The following NRXN3 variants were observed in gnomAD, a reference collection of about 807,000 sequenced individuals.
NRXN3 encodes the protein neurexin III.
A neutral mutation model predicts 137.6 loss-of-function variants in NRXN3; 32 were observed. The observed-to-expected ratio is 0.23, with a 90% confidence interval of 0.18 to 0.31. NRXN3 has a LOEUF of 0.31. Among genes scored for constraint, NRXN3 ranks in the 10% least tolerant of loss-of-function variants. The probability of loss-of-function intolerance (pLI) is 1.00; values close to 1 mark genes in which losing one functional copy is unlikely to be tolerated. For synonymous variants in NRXN3, 798 were observed against 784.5 expected, an observed-to-expected ratio of 1.02 and a Z score of -0.29; for missense variants, 1,574 against 2,062.5, an observed-to-expected ratio of 0.76 and a Z score of 4.59.
chr14:79,720,134 A>G (rs2098839173), intron 19 of NRXN3, among the ~76,000 whole-genome samples: 1 of 152,120 alleles, frequency 6.6e-6, no homozygotes, highest in Admixed American at 6.6e-5. Context: ...ATGGCTAGGG[A>G]GGCCTCACAA....
intron 4 of NRXN3, among the ~76,000 whole-genome samples, chr14:78,608,671 T>C (rs1034235622): frequency 6.6e-6 from 1 of 152,202 alleles, no homozygotes; most frequent in African/African-American, 2.4e-5. Context: ...AGATGGGTAA[T>C]CTACTCAATA....
chr14:78,574,720 C>T (rs2096920534), intron 4 of NRXN3, among the ~76,000 whole-genome samples: 2 of 152,110 alleles, frequency 1.3e-5, no homozygotes, highest in Non-Finnish European at 1.5e-5. Flanking sequence ...AAGGGATTTG[C>T]CTTGTGTCAG....
At chr14:78,663,804 C>T (rs1431071326) in intron 6 of NRXN3, among the ~76,000 whole-genome samples, 1 of 152,048 alleles carries the variant, frequency 6.6e-6, no homozygotes, top group African/African-American at 2.4e-5. Flanking sequence ...CACAACATTC[C>T]TACTGAGACA....
At chr14:78,435,556 T>A (rs919818724) in intron 4 of NRXN3, among the ~76,000 whole-genome samples, 1 of 152,198 alleles carries the variant, frequency 6.6e-6, no homozygotes. Flanking sequence ...TTTCCTAGGA[T>A]GTACTTAGAG....
chr14:78,855,273 C>T (rs1366035359), intron 10 of NRXN3, among the ~76,000 whole-genome samples: 3 of 151,906 alleles, frequency 2.0e-5, no homozygotes, highest in African/African-American at 4.8e-5. Flanking sequence ...CCAGAAGATT[C>T]GAAGTTTTGT....
chr14:79,771,213 C>A (rs1342673989), intron 19 of NRXN3, among the ~76,000 whole-genome samples: 1 of 152,136 alleles, frequency 6.6e-6, no homozygotes, highest in African/African-American at 2.4e-5. Flanking sequence ...GGAACTGGTA[C>A]CATTCCTTCT....
chr14:78,207,154 G>A (rs528582620), intron 1 of NRXN3, among the ~76,000 whole-genome samples: 60 of 152,188 alleles, frequency 3.9e-4, no homozygotes, highest in Middle Eastern at 6.8e-3. Context: ...GTGAACCACC[G>A]CGCCCGGCCT....
intron 15 of NRXN3, among the ~76,000 whole-genome samples, chr14:79,278,818 C>A (rs567105931): frequency 6.6e-6 from 1 of 152,132 alleles, no homozygotes; most frequent in African/African-American, 2.4e-5. Context: ...ATTCGCCCTG[C>A]GGGAGGGGCC....
Position 78,357,409 on chromosome 14 carries a change from G to A in NRXN3, c.757+59549G>A, listed in dbSNP as rs1488363297. Among the ~76,000 whole-genome samples the A allele has an allele frequency of 2.6e-5, 4 of 152,212 alleles. No homozygotes were observed. In the East Asian group the frequency reaches 7.7e-4, roughly 29 times the overall value. On this transcript the variant is annotated intron_variant, in intron 4 of 20. Transcript: ENST00000335750. ...CTTCCCACCACATGTGGGAATTGTG[G>A]GAGTTACAATTCTAGATGAGATTTG...
At chr14:78,345,167 G>T (rs991491119) in intron 4 of NRXN3, among the ~76,000 whole-genome samples, 1 of 151,944 alleles carries the variant, frequency 6.6e-6, no homozygotes, top group Non-Finnish European at 1.5e-5. Flanking sequence ...CACTTGGGGG[G>T]CAGCTGTTAT....
intron 4 of NRXN3, among the ~76,000 whole-genome samples, chr14:78,569,361 G>T (rs186947756): frequency 6.6e-6 from 1 of 151,456 alleles, no homozygotes; most frequent in East Asian, 1.9e-4. Context: ...CGCCTCCCGG[G>T]TTCACGCCAT....
chr14:78,423,796 C>T (rs1208905916), intron 4 of NRXN3, among the ~76,000 whole-genome samples: 4 of 152,208 alleles, frequency 2.6e-5, no homozygotes, highest in Non-Finnish European at 5.9e-5. Flanking sequence ...TTAATGCCCA[C>T]TTCACTGTAG....
At chr14:79,012,062 C>G (rs1253029396) in intron 15 of NRXN3, among the ~76,000 whole-genome samples, 1 of 152,082 alleles carries the variant, frequency 6.6e-6, no homozygotes, top group Non-Finnish European at 1.5e-5. Flanking sequence ...AAAATTATAA[C>G]CTGAGATAGT....
chr14:79,637,726 G>GTTTTTTTTT (rs1447669099), intron 16 of NRXN3, among the ~76,000 whole-genome samples: 1 of 92,994 alleles, frequency 1.1e-5, no homozygotes, highest in African/African-American at 8.6e-5. Flanking sequence ...ATATAGAAAA[G>GTTTTTTTTT]TTCTTTTTTT....
intron 15 of NRXN3, among the ~76,000 whole-genome samples, chr14:79,146,371 A>G (rs2059303464): frequency 6.6e-6 from 1 of 152,166 alleles, no homozygotes; most frequent in African/African-American, 2.4e-5. Context: ...TCTGGACTTG[A>G]GTGTATGTAT....
intron 20 of NRXN3, among the ~76,000 whole-genome samples, chr14:79,826,193 A>G (rs2099299882): frequency 6.6e-6 from 1 of 152,126 alleles, no homozygotes; most frequent in African/African-American, 2.4e-5. Flanking sequence ...GGGTTTCGCC[A>G]TAGTGGCCAG....
chr14:78,920,797 C>T (rs983230371), intron 10 of NRXN3, among the ~76,000 whole-genome samples: 6 of 152,150 alleles, frequency 3.9e-5, no homozygotes, highest in Non-Finnish European at 8.8e-5. Context: ...AAGGATTCAA[C>T]TTAGGAACAG....
chr14:79,016,114 A>G (rs968188390), intron 15 of NRXN3, among the ~76,000 whole-genome samples: 7 of 152,252 alleles, frequency 4.6e-5, no homozygotes, highest in Middle Eastern at 3.4e-3. Context: ...AGCAGCCACA[A>G]GCTGAGAGGG....
At chr14:79,045,816 G>A (rs2099632272) in intron 15 of NRXN3, among the ~76,000 whole-genome samples, 1 of 152,082 alleles carries the variant, frequency 6.6e-6, no homozygotes, top group African/African-American at 2.4e-5. Context: ...ATAATGCCTC[G>A]GGACCACCTA....
Sources: gnomAD v4.1 joint callset for allele counts (sites outside exome capture counted in the v4.1 genomes callset) on GRCh38, gnomAD v4.1.1 for gene constraint, MANE v1.5 for transcripts, NCBI Gene and HGNC (gene_info 2026-07-23, HGNC 2026-07-21) for gene names.